The following ADGRA1 variants were observed in gnomAD, a reference collection of about 807,000 sequenced individuals.
The protein encoded by ADGRA1 is adhesion G protein-coupled receptor A1.
ADGRA1 carries 12 observed loss-of-function variants against 21.3 expected under a neutral mutation model. The ratio of observed to expected loss-of-function variants is 0.56; its 90% CI spans 0.36 to 0.91. The LOEUF (loss-of-function observed/expected upper bound fraction) is 0.91. Ranked by LOEUF, ADGRA1 falls within the 40% of genes least tolerant of loss-of-function variation. The pLI is 0.01. For missense variants in ADGRA1, 790 were observed against 805.6 expected (o/e 0.98, Z 0.23); for synonymous variants, 385 against 368.8 (o/e 1.04, Z -0.50).
intron 5 of ADGRA1, among the ~76,000 whole-genome samples, chr10:133,106,557 C>CA (rs74549128): frequency 0.17 from 25,816 of 152,256 alleles, 2,277 homozygotes; most frequent in Non-Finnish European, 0.2. Flanking sequence ...AGCACTGGGC[C>CA]AAGGAGGGTG....
At chr10:133,125,546 C>T (rs1485583633) in intron 5 of ADGRA1, among the ~76,000 whole-genome samples, 3 of 152,168 alleles carry the variant, frequency 2.0e-5, no homozygotes, top group African/African-American at 7.2e-5. Flanking sequence ...GTCTCAGCCT[C>T]CCGAGTAGCT....
intron 5 of ADGRA1, among the ~76,000 whole-genome samples, chr10:133,112,719 G>GATAA (rs1852074023): frequency 6.9e-6 from 1 of 144,920 alleles, no homozygotes. Context: ...GGGGTCTGCG[G>GATAA]GCCGCGTCGG....
At position 133,095,929 on chromosome 10, in the gene ADGRA1, G is replaced by T. The variant is rs1234732583; in HGVS notation, c.4-1045G>T. 8.1e-6 allele frequency: 9 copies of T among 1,105,070 alleles called. No homozygotes were observed. The South Asian group carries it at 1.5e-4, about 19-fold the overall frequency. The allele number at this position is 1,105,070 out of a possible 1,614,324, so 68.5% of individuals were successfully genotyped here. ...CAGCATCCATGGCGTGGTCAGAGTG[G>T]CTGGAGCCTGGCACAGGTGCAGCGA... On this transcript the variant is annotated intron_variant, in intron 2 of 6. Coordinates refer to ENST00000392607, the MANE Select transcript of ADGRA1 (RefSeq NM_001083909.3).
intron 5 of ADGRA1, among the ~76,000 whole-genome samples, chr10:133,109,424 G>T (rs566802649): frequency 6.3e-4 from 96 of 152,028 alleles, no homozygotes; most frequent in Non-Finnish European, 1.2e-3. Context: ...CTGACTGCTT[G>T]CCCCCACGAC....
chr10:133,115,018 C>T (rs976565083), intron 5 of ADGRA1, among the ~76,000 whole-genome samples: 10 of 152,162 alleles, frequency 6.6e-5, no homozygotes, highest in Non-Finnish European at 1.2e-4. Context: ...TCCATGAGTG[C>T]GACTGGTTGG....
In ADGRA1 at chr10:133,130,973, CT is replaced by C. The variant is rs1852514290; in HGVS notation, c.*1463del. Reference sequence around the variant, plus strand: ...AGTGTGTTTTCCAGCCACCCACACACTGGGTTTGCATTGGAGATTGTTTCAC... The same window carrying C: ...AGTGTGTTTTCCAGCCACCCACACACGGGTTTGCATTGGAGATTGTTTCAC... On this transcript the variant is annotated 3_prime_UTR_variant, in exon 7 of 7. Coordinates refer to ENST00000392607, the MANE Select transcript of ADGRA1 (RefSeq NM_001083909.3). 6.6e-6 allele frequency: 1 copy of C among 152,286 alleles called. No individual in the cohort carries two copies. The highest frequency in any genetic ancestry group is 1.5e-5 in the Non-Finnish European group (1 of 68,050). 9.4% of individuals were successfully genotyped at this position (152,286 alleles called of 1,614,324 possible). A position where few individuals can be genotyped will look rare whatever the true frequency, so the allele number is the denominator to read the frequency against.
In ADGRA1 at chr10:133,097,060, C is replaced by T; in HGVS notation, c.90C>T (p.Leu30=). ...ACGCGTGCACGGCCGTCATGCTGCT[C>T]TGCCTCCTGGCCTCCTTCGTCACCT... ...VVYACTAVML[L]CLLASFVTYI... Residue 30 remains leucine, a synonymous_variant, in exon 3 of 7, where the codon CTC becomes CTT. Coordinates refer to ENST00000392607, the MANE Select transcript of ADGRA1 (RefSeq NM_001083909.3). 1.9e-6 allele frequency: 3 copies of T among 1,609,856 alleles called. No individual in the cohort carries two copies. The highest frequency in any genetic ancestry group is 2.5e-6 in the Non-Finnish European group (3 of 1,180,016).
intron 5 of ADGRA1, among the ~76,000 whole-genome samples, chr10:133,109,148 C>T (rs1444908501): frequency 1.3e-5 from 2 of 151,762 alleles, no homozygotes; most frequent in African/African-American, 2.4e-5. Flanking sequence ...AGCTCAGCAG[C>T]AGCACTGCTC....
chr10:133,104,700 T>C (rs564304559), intron 5 of ADGRA1, among the ~76,000 whole-genome samples: 1 of 152,238 alleles, frequency 6.6e-6, no homozygotes, highest in East Asian at 1.9e-4. Flanking sequence ...CTGTGTTCCT[T>C]GGTTCCTGGC....
In ADGRA1 at chr10:133,087,963, T is replaced by A. The variant is rs1851529554; in HGVS notation, c.-378T>A. 1 of 984,222 alleles carries A rather than the reference T, an allele frequency of 1.0e-6. No homozygotes were observed. The highest frequency in any genetic ancestry group is 1.8e-5 in the African/African-American group (1 of 56,966). The allele number at this position is 984,222 out of a possible 1,614,324, so 61.0% of individuals were successfully genotyped here. ...GCTGCTGGCCGGGCTGGGCCGCTCG[T>A]GCGCGGGGCTGTGACTCACCGGCCG... On this transcript the variant is annotated 5_prime_UTR_variant, in exon 1 of 7. Coordinates refer to ENST00000392607, the MANE Select transcript of ADGRA1 (RefSeq NM_001083909.3).
Position 133,130,347 on chromosome 10 carries a change from C to G in ADGRA1, c.*836C>G, listed in dbSNP as rs1254030561. 1 of 152,192 alleles carries G rather than the reference C, an allele frequency of 6.6e-6. No individual in the cohort carries two copies. The highest frequency in any genetic ancestry group is 1.5e-5 in the Non-Finnish European group (1 of 68,024). 9.4% of individuals were successfully genotyped at this position (152,192 alleles called of 1,614,324 possible). A position where few individuals can be genotyped will look rare whatever the true frequency, so the allele number is the denominator to read the frequency against. On this transcript the variant is annotated 3_prime_UTR_variant, in exon 7 of 7. Coordinates refer to ENST00000392607, the MANE Select transcript of ADGRA1 (RefSeq NM_001083909.3). ...AGACTCGACTTCCAAAACCAGCCAC[C>G]GCTGGGACTGGATTCCACTCCAGTA...
At chr10:133,112,726 T>G (rs1852074634) in intron 5 of ADGRA1, among the ~76,000 whole-genome samples, 1 of 148,558 alleles carries the variant, frequency 6.7e-6, no homozygotes, top group South Asian at 2.2e-4. Flanking sequence ...GCGGGCCGCG[T>G]CGGTTATTTG....
chr10:133,096,960 T>G lies in ADGRA1; in HGVS notation c.4-14T>G. ...ACCAGCCAGTCACACACGTCTCCTTTGCTTTATCCTCAGGATCTGAAGACA... is the reference window on the plus strand; with the variant it reads ...ACCAGCCAGTCACACACGTCTCCTTGGCTTTATCCTCAGGATCTGAAGACA... On this transcript the variant is annotated splice_polypyrimidine_tract_variant and intron_variant, in intron 2 of 6. Coordinates refer to ENST00000392607, the MANE Select transcript of ADGRA1 (RefSeq NM_001083909.3). The G allele has an allele frequency of 1.2e-6, 2 of 1,604,878 alleles. No homozygotes were observed.
chr10:133,096,553 G>T (rs1851693050), intron 2 of ADGRA1, among the ~76,000 whole-genome samples: 1 of 152,372 alleles, frequency 6.6e-6, no homozygotes, highest in Admixed American at 6.5e-5. Flanking sequence ...GGGGCTCCCA[G>T]TGCAGGGCTG....
intron 5 of ADGRA1, among the ~76,000 whole-genome samples, chr10:133,126,973 G>T (rs1393247138): frequency 6.6e-6 from 1 of 152,158 alleles, no homozygotes; most frequent in Admixed American, 6.5e-5. Flanking sequence ...AGCCAACGGA[G>T]CTCTCCCGGG....
intron 5 of ADGRA1, among the ~76,000 whole-genome samples, chr10:133,113,286 G>A (rs1342362076): frequency 6.7e-6 from 1 of 150,194 alleles, no homozygotes; most frequent in Non-Finnish European, 1.5e-5. Flanking sequence ...CCGTGTTTCG[G>A]TTTGGAAGTC....
chr10:133,126,377 C>T (rs1852374345), intron 5 of ADGRA1, among the ~76,000 whole-genome samples: 1 of 152,226 alleles, frequency 6.6e-6, no homozygotes, highest in Non-Finnish European at 1.5e-5. Context: ...CAGGCCACCC[C>T]CTCCCACCAC....
chr10:133,129,359 T>C lies in ADGRA1; in HGVS notation c.1531T>C (p.Leu511=), dbSNP rs1852463360. The C allele has an allele frequency of 1.3e-6, 2 of 1,595,698 alleles. No homozygotes were observed. The highest frequency in any genetic ancestry group is 4.6e-5 in the East Asian group (2 of 43,798). The change falls in exon 7 of 7, where the codon TTG becomes CTG. Residue 511 remains leucine (L), a synonymous_variant. Transcript: ENST00000392607. The part of the protein sequence containing the change: ...GREAALGPGH[L]EMLRRTQSLP... The stretch of plus-strand genomic sequence containing the variant: ...GGAGGCAGCGCTCGGGCCCGGCCAC[T>C]TGGAGATGCTGCGGAGGACACAGTC...
intron 4 of ADGRA1, among the ~76,000 whole-genome samples, chr10:133,099,811 G>A (rs1194436254): frequency 1.3e-5 from 2 of 152,248 alleles, no homozygotes; most frequent in African/African-American, 2.4e-5. Flanking sequence ...CAGCCAGGGG[G>A]CTGCCACGGA....
Sources: allele counts gnomAD v4.1 joint callset (sites outside exome capture counted in the v4.1 genomes callset), GRCh38; gene constraint gnomAD v4.1.1; transcripts MANE v1.5; gene names NCBI Gene and HGNC (gene_info 2026-07-23, HGNC 2026-07-21).